PRKCH: variants seen among roughly 807,000 people sequenced by gnomAD.
PRKCH encodes protein kinase C eta type.
PRKCH carries 28 observed loss-of-function variants against 82.5 expected under a neutral mutation model. The ratio of observed to expected loss-of-function variants is 0.34; its 90% CI spans 0.25 to 0.47. PRKCH has a LOEUF of 0.47. Among genes scored for constraint, PRKCH ranks in the 20% least tolerant of loss-of-function variants. The pLI, the probability that PRKCH is intolerant of heterozygous loss-of-function variation, is 1.00. For missense variants in PRKCH, 705 were observed against 881.8 expected (o/e 0.80, Z 2.54); for synonymous variants, 322 against 327.4 (o/e 0.98, Z 0.18).
At chr14:61,337,888 ACAGTGTTTG>A (rs1170861689) in intron 1 of PRKCH, among the ~76,000 whole-genome samples, 1 of 152,248 alleles carries the variant, frequency 6.6e-6, no homozygotes, top group Non-Finnish European at 1.5e-5. Flanking sequence ...GTACGGCACA[ACAGTGTTTG>A]CACTTGATGT....
intron 10 of PRKCH, among the ~76,000 whole-genome samples, chr14:61,487,830 C>CAA (rs33953676): frequency 0.1 from 14,701 of 141,378 alleles, 800 homozygotes; most frequent in South Asian, 0.16. Flanking sequence ...CCTATCTCTA[C>CAA]AAAAAAAAAA....
At chr14:61,396,511 A>G (rs1202950040) in intron 2 of PRKCH, among the ~76,000 whole-genome samples, 1 of 152,176 alleles carries the variant, frequency 6.6e-6, no homozygotes, top group African/African-American at 2.4e-5. Flanking sequence ...CATAGGAGGG[A>G]AGGCAGATAC....
intron 9 of PRKCH, among the ~76,000 whole-genome samples, chr14:61,482,188 G>A (rs1013715617): frequency 1.3e-5 from 2 of 151,528 alleles, no homozygotes; most frequent in Admixed American, 6.6e-5. Flanking sequence ...GTAGAGACGG[G>A]GTTTCACCAC....
At chr14:61,412,695 C>T (rs905501129) in intron 2 of PRKCH, among the ~76,000 whole-genome samples, 7 of 152,176 alleles carry the variant, frequency 4.6e-5, no homozygotes, top group African/African-American at 9.7e-5. Flanking sequence ...TTAGCAAAAA[C>T]GGAAGCATTC....
At chr14:61,317,273 C>T (rs2045570274), upstream of PRKCH, among the ~76,000 whole-genome samples, 5 of 152,134 alleles carry the variant, frequency 3.3e-5, no homozygotes, top group South Asian at 1.0e-3. Flanking sequence ...TCTCACTCTC[C>T]TTCCCATCCC....
At chr14:61,428,042 T>TAGATAGATAGATAGATAG (rs1555386067) in intron 2 of PRKCH, among the ~76,000 whole-genome samples, 36 of 121,922 alleles carry the variant, frequency 3.0e-4, no homozygotes, top group South Asian at 8.8e-4. Context: ...AATATATATA[T>TAGATAGATAGATAGATAG]ATAGATAGAT....
chr14:61,342,786 C>G (rs935412153), intron 1 of PRKCH, among the ~76,000 whole-genome samples: 1 of 152,228 alleles, frequency 6.6e-6, no homozygotes, highest in Non-Finnish European at 1.5e-5. Flanking sequence ...AAACCAGGCT[C>G]ACTGACTACC....
At chr14:61,350,065 G>T (rs2046050818) in intron 1 of PRKCH, among the ~76,000 whole-genome samples, 1 of 152,122 alleles carries the variant, frequency 6.6e-6, no homozygotes, top group African/African-American at 2.4e-5. Context: ...CCCAAAGAAG[G>T]TTTATGGAAG....
intron 1 of PRKCH, among the ~76,000 whole-genome samples, chr14:61,389,417 A>G (rs10141607): frequency 0.24 from 37,012 of 151,920 alleles, 5,585 homozygotes; most frequent in African/African-American, 0.43. Context: ...AATGCCAGGC[A>G]CAGTGACTCA....
intron 2 of PRKCH, among the ~76,000 whole-genome samples, chr14:61,393,029 T>C (rs1356434765): frequency 1.3e-5 from 2 of 152,288 alleles, no homozygotes; most frequent in East Asian, 1.9e-4. Context: ...CTGGAACCTT[T>C]GTTGAAAATC....
rs142771244 is a variant in PRKCH, at chr14:61,488,505, A to G, written c.1433+2849A>G. Among the ~76,000 whole-genome samples, 49 of 152,358 alleles carry G rather than the reference A, an allele frequency of 3.2e-4. 1 individual carries two copies. In the East Asian group the frequency reaches 9.2e-3, roughly 29 times the overall value. Reference sequence around the variant, plus strand: ...GACTGCTAACTGGTAGTGAAGTCAGAATTCAAACCATGGTTCTAACCACTG... The same window carrying G: ...GACTGCTAACTGGTAGTGAAGTCAGGATTCAAACCATGGTTCTAACCACTG... On this transcript the variant is annotated intron_variant, in intron 10 of 13. Transcript: ENST00000332981.
intron 9 of PRKCH, among the ~76,000 whole-genome samples, chr14:61,483,216 C>T (rs956101281): frequency 6.6e-6 from 1 of 152,214 alleles, no homozygotes; most frequent in Non-Finnish European, 1.5e-5. Context: ...TGGGATGTTT[C>T]CGGTGTGTGT....
chr14:61,250,834 T>C (rs1244515595), intron 1 of PRKCH, among the ~76,000 whole-genome samples: 3 of 152,084 alleles, frequency 2.0e-5, no homozygotes, highest in Non-Finnish European at 4.4e-5. Flanking sequence ...GGGCAAGAAG[T>C]AGATGGGAAC....
intron 9 of PRKCH, among the ~76,000 whole-genome samples, chr14:61,463,664 A>T (rs1389261577): frequency 6.6e-6 from 1 of 152,156 alleles, no homozygotes; most frequent in Non-Finnish European, 1.5e-5. Context: ...TAAAGAATAA[A>T]ATGTTATTCA....
At chr14:61,369,701 T>C (rs938987902) in intron 1 of PRKCH, among the ~76,000 whole-genome samples, 1 of 152,064 alleles carries the variant, frequency 6.6e-6, no homozygotes, top group African/African-American at 2.4e-5. Context: ...GAATCAACTC[T>C]AAAGTATTAC....
chr14:61,487,255 G>A (rs1459253355), intron 10 of PRKCH, among the ~76,000 whole-genome samples: 1 of 152,188 alleles, frequency 6.6e-6, no homozygotes, highest in African/African-American at 2.4e-5. Flanking sequence ...AGGGAAGAGG[G>A]TGCAGAACTG....
At chr14:61,222,406 C>T (rs1262763206) in intron 1 of PRKCH, among the ~76,000 whole-genome samples, 4 of 152,050 alleles carry the variant, frequency 2.6e-5, no homozygotes, top group African/African-American at 9.7e-5. Context: ...TCATTTGCAT[C>T]TCTTTATGTT....
intron 7 of PRKCH, among the ~76,000 whole-genome samples, chr14:61,456,350 A>G (rs1232185671): frequency 6.6e-6 from 1 of 152,236 alleles, no homozygotes; most frequent in Non-Finnish European, 1.5e-5. Context: ...TATTCACTCC[A>G]GTGTTATTCA....
intron 1 of PRKCH, among the ~76,000 whole-genome samples, chr14:61,316,444 T>A (rs561546095): frequency 6.6e-6 from 1 of 152,348 alleles, no homozygotes; most frequent in South Asian, 2.1e-4. Context: ...ATAGTGTGAC[T>A]AAGACAAGAA....
Sources: allele counts gnomAD v4.1 joint callset (sites outside exome capture counted in the v4.1 genomes callset), GRCh38; gene constraint gnomAD v4.1.1; transcripts MANE v1.5; gene names NCBI Gene and HGNC (gene_info 2026-07-23, HGNC 2026-07-21).